The following TRAPPC13 variants were observed in gnomAD, a reference collection of about 807,000 sequenced individuals.
TRAPPC13 encodes the protein REV7-interacting novel NHEJ regulator 1.
Under a neutral mutation model 54.0 loss-of-function variants are expected in TRAPPC13, and 39 were observed. That is an observed-to-expected ratio of 0.72 (90% confidence interval 0.56 to 0.94). The LOEUF is 0.94. TRAPPC13 is among the 40% of genes least tolerant of loss of function. The probability of loss-of-function intolerance (pLI) is 0.00; values close to 1 mark genes in which losing one functional copy is unlikely to be tolerated. For synonymous variants in TRAPPC13, 148 were observed against 167.7 expected, an observed-to-expected ratio of 0.88 and a Z score of 0.91; for missense variants, 386 against 488.1, an observed-to-expected ratio of 0.79 and a Z score of 1.97.
At chr5:65,649,606 A>G (rs1289722970) in intron 5 of TRAPPC13, among the ~76,000 whole-genome samples, 1 of 152,144 alleles carries the variant, frequency 6.6e-6, no homozygotes, top group Non-Finnish European at 1.5e-5. Flanking sequence ...TTTGTTAGCC[A>G]GTTATGGTAC....
At chr5:65,650,961 C>G (rs1756408845) in intron 6 of TRAPPC13, 79 bp downstream of exon 6, 1 of 1,037,044 alleles carries the variant, frequency 9.6e-7, no homozygotes. Flanking sequence ...CGTTTATCTG[C>G]AGGGAAAACA....
At chr5:65,657,484 T>C (rs559364106) in intron 8 of TRAPPC13, among the ~76,000 whole-genome samples, 79 of 152,334 alleles carry the variant, frequency 5.2e-4, no homozygotes, top group African/African-American at 1.9e-3. Flanking sequence ...AAAAAAATTA[T>C]TGAATACCCT....
In TRAPPC13 at chr5:65,650,867, A is replaced by G. The variant is rs372910861; in HGVS notation, c.486A>G (p.Lys162=). The G allele has an allele frequency of 8.7e-6, 14 of 1,612,406 alleles. No individual in the cohort carries two copies. The highest frequency in any genetic ancestry group is 1.0e-5 in the Non-Finnish European group (12 of 1,178,800). ...TQAGEKMYFR[K]FFKFQVLKPL... ...CTGGAGAAAAAATGTATTTCAGAAA[A>G]TTCTTCAAATTTCAGGTATTGAATA... The change falls in exon 6 of 13, where the codon AAA becomes AAG. Residue 162 remains lysine (K), a synonymous_variant. Transcript: ENST00000399438.
chr5:65,664,025 G>A (rs1756934921), intron 11 of TRAPPC13: 11 of 515,464 alleles, frequency 2.1e-5, no homozygotes, highest in Non-Finnish European at 3.0e-5. Flanking sequence ...AGATTAGTCT[G>A]AGGCTATTTT....
At chr5:65,630,352 G>C in intron 1 of TRAPPC13, 3 of 1,473,268 alleles carry the variant, frequency 2.0e-6, no homozygotes, top group South Asian at 1.3e-5. Context: ...GAATTCCACT[G>C]ATTGTCAAAA....
chr5:65,633,207 T>C (rs893900632), intron 1 of TRAPPC13, among the ~76,000 whole-genome samples: 2 of 152,206 alleles, frequency 1.3e-5, no homozygotes, highest in African/African-American at 4.8e-5. Context: ...TTTTTACATA[T>C]GCTAGAACAT....
intron 6 of TRAPPC13, 38 bp from the exon 7 acceptor site, chr5:65,652,460 CATG>C: frequency 7.2e-7 from 1 of 1,391,250 alleles, no homozygotes; most frequent in Non-Finnish European, 1.0e-6. Context: ...TAAATGGTCA[CATG>C]ATAACAATCT....
At chr5:65,658,310 T>A in intron 8 of TRAPPC13, 58 bp from the exon 9 acceptor site, 1 of 1,490,406 alleles carries the variant, frequency 6.7e-7, no homozygotes, top group Non-Finnish European at 9.0e-7. Context: ...ATATTTTTGT[T>A]GAGATAAATA....
At chr5:65,634,832 G>C (rs1184632841) in intron 1 of TRAPPC13, 4 of 241,188 alleles carry the variant, frequency 1.7e-5, no homozygotes, top group Admixed American at 1.3e-4. Flanking sequence ...CTGGGAGATA[G>C]AGGTTGCAGT....
intron 1 of TRAPPC13, among the ~76,000 whole-genome samples, chr5:65,628,147 C>T (rs539352514): frequency 2.6e-5 from 4 of 152,250 alleles, no homozygotes; most frequent in Admixed American, 2.0e-4. Flanking sequence ...AGCCTATGCA[C>T]CATATGCTGG....
At chr5:65,626,235 GTT>G (rs1205405716) in intron 1 of TRAPPC13, 1 of 152,188 alleles carries the variant, frequency 6.6e-6, no homozygotes, top group African/African-American at 2.4e-5. Context: ...AATTCTCAGA[GTT>G]TAAGTAACTT....
At chr5:65,652,738 A>G in intron 7 of TRAPPC13, 193 bp downstream of exon 7, 5 of 636,622 alleles carry the variant, frequency 7.9e-6, no homozygotes, top group Admixed American at 2.6e-5. Context: ...CTTACATGGA[A>G]TCAATGTGTC....
chr5:65,633,356 T>G (rs1755617598), intron 1 of TRAPPC13, among the ~76,000 whole-genome samples: 1 of 152,076 alleles, frequency 6.6e-6, no homozygotes, highest in African/African-American at 2.4e-5. Context: ...CTCAGCTCAC[T>G]GCAAGCTCCG....
intron 9 of TRAPPC13, 115 bp downstream of exon 9, chr5:65,658,616 G>A: frequency 1.1e-6 from 1 of 886,474 alleles, no homozygotes; most frequent in Non-Finnish European, 1.5e-6. Flanking sequence ...AGAATTTGAG[G>A]TTCATAGAAA....
chr5:65,654,914 C>A (rs746163592), intron 7 of TRAPPC13, among the ~76,000 whole-genome samples: 5 of 152,144 alleles, frequency 3.3e-5, no homozygotes, highest in Admixed American at 6.5e-5. Flanking sequence ...GTAGAGGAGA[C>A]TGACATGATG....
At chr5:65,657,788 T>G (rs1034493116) in intron 8 of TRAPPC13, among the ~76,000 whole-genome samples, 1 of 152,202 alleles carries the variant, frequency 6.6e-6, no homozygotes, top group Non-Finnish European at 1.5e-5. Context: ...CATATTCTTT[T>G]TTTAGCCCTC....
intron 1 of TRAPPC13, chr5:65,630,135 A>G (rs1283290492): frequency 6.5e-7 from 1 of 1,536,088 alleles, no homozygotes; most frequent in South Asian, 1.2e-5. Context: ...ACTCTGGAAG[A>G]CATTTGGACA....
Position 65,625,114 on chromosome 5 carries a change from T to C in TRAPPC13, c.46+8T>C. 1.2e-6 allele frequency: 2 copies of C among 1,611,900 alleles called. No homozygotes were observed. Among genetic ancestry groups the C allele is most frequent in the South Asian group, 1.1e-5 (1 of 91,050 alleles). ...ACCTGCTGGCGCTAAAAGGTAAACT[T>C]TTGCGAACCTGATTCCCCCTTTTCT... On this transcript the variant is annotated splice_region_variant and intron_variant, in intron 1 of 12. Transcript: ENST00000399438.
chr5:65,630,540 T>G (rs1414609744), intron 1 of TRAPPC13: 1 of 1,257,414 alleles, frequency 8.0e-7, no homozygotes, highest in Non-Finnish European at 1.0e-6. Context: ...ACACTGAATT[T>G]GAAGGTAAAA....
Sources: allele counts gnomAD v4.1 joint callset (sites outside exome capture counted in the v4.1 genomes callset), GRCh38; gene constraint gnomAD v4.1.1; transcripts MANE v1.5; gene names NCBI Gene and HGNC (gene_info 2026-07-23, HGNC 2026-07-21).